COPZ1: variants seen among roughly 807,000 people sequenced by gnomAD.
COPZ1 encodes coat protein complex I subunit zeta 1, also known as coatomer subunit zeta-1.
COPZ1 carries 4 observed loss-of-function variants against 31.7 expected under a neutral mutation model. That is an observed-to-expected ratio of 0.13 (90% CI 0.06 to 0.29). The LOEUF is 0.29. COPZ1 is among the 10% of genes least tolerant of loss of function. The pLI, the probability that COPZ1 is intolerant of heterozygous loss-of-function variation, is 1.00. For missense variants in COPZ1, 156 were observed against 211.5 expected (o/e 0.74, Z 1.63); for synonymous variants, 74 against 79.0 (o/e 0.94, Z 0.33).
chr12:54,331,717 C>G (rs940272359), intron 1 of COPZ1, among the ~76,000 whole-genome samples: 1 of 151,928 alleles, frequency 6.6e-6, no homozygotes, highest in Non-Finnish European at 1.5e-5. Flanking sequence ...GGAGCAAAAG[C>G]AGGGAGATGT....
chr12:54,346,750 G>A (rs1954071610), intron 5 of COPZ1: 7 of 672,988 alleles, frequency 1.0e-5, no homozygotes, highest in Non-Finnish European at 1.9e-5. Flanking sequence ...CAGCTACTTG[G>A]GAGGCTGAGG....
chr12:54,326,690 GGTAGTATA>G (rs1162616953), intron 1 of COPZ1, among the ~76,000 whole-genome samples: 11 of 146,118 alleles, frequency 7.5e-5, no homozygotes, highest in African/African-American at 2.8e-4. Context: ...TAGGTAGGTA[GGTAGTATA>G]GTGTAGGAAT....
rs778295806 is a variant in COPZ1 at position 54,350,883 on chromosome 12, T to C, written c.*360T>C. ...GATTAAAGTAGGAGAAAGAATGTGC[T>C]GAGTGTTTTCCTCCCTTTGCCTCTA... On this transcript the variant is annotated 3_prime_UTR_variant, in exon 9 of 9. Transcript: ENST00000262061. The C allele has an allele frequency of 7.1e-6, 2 of 281,368 alleles. No homozygotes were observed. The highest frequency in any genetic ancestry group is 1.4e-5 in the Non-Finnish European group (2 of 143,074). The allele number at this position is 281,368 out of a possible 1,614,324, so 17.4% of individuals were successfully genotyped here.
chr12:54,338,412 G>A (rs757311917), intron 1 of COPZ1, among the ~76,000 whole-genome samples: 1 of 152,066 alleles, frequency 6.6e-6, no homozygotes, highest in Non-Finnish European at 1.5e-5. Context: ...TTTAAGACTA[G>A]ACTCTAGAGG....
chr12:54,349,411 A>G (rs1954112392), intron 7 of COPZ1, among the ~76,000 whole-genome samples: 2 of 152,222 alleles, frequency 1.3e-5, no homozygotes, highest in African/African-American at 4.8e-5. Context: ...TTAAAATGGA[A>G]GCTGGATGAA....
At chr12:54,328,515 G>A (rs960629648) in intron 1 of COPZ1, among the ~76,000 whole-genome samples, 2 of 151,964 alleles carry the variant, frequency 1.3e-5, no homozygotes, top group African/African-American at 4.8e-5. Flanking sequence ...GCGGTGAGCC[G>A]AGATGCGCCA....
chr12:54,340,013 G>A (rs1953946298), intron 1 of COPZ1, among the ~76,000 whole-genome samples: 1 of 145,030 alleles, frequency 6.9e-6, no homozygotes, highest in Non-Finnish European at 1.5e-5. Flanking sequence ...GTGTGTGTGT[G>A]TGTGTGTAAA....
rs1213393163 is a variant in COPZ1, at chr12:54,351,692, C to T, written c.*1169C>T. On this transcript the variant is annotated 3_prime_UTR_variant, in exon 9 of 9. Transcript: ENST00000262061. ...ACCTTCCTGAGACTTAAGCATTCTG[C>T]CCCACTTACTAACTGCCAGTTCTCC... 1.3e-5 allele frequency: 2 copies of T among 152,234 alleles called. No homozygotes were observed. The highest frequency in any genetic ancestry group is 4.8e-5 in the African/African-American group (2 of 41,442). 9.4% of individuals were successfully genotyped at this position (152,234 alleles called of 1,614,324 possible).
Position 54,351,295 on chromosome 12 carries a change from G to A in COPZ1, c.*772G>A, listed in dbSNP as rs1231967919. 6.6e-6 allele frequency: 1 copy of A among 152,114 alleles called. No homozygotes were observed. The highest frequency in any genetic ancestry group is 1.5e-5 in the Non-Finnish European group (1 of 68,026). 9.4% of individuals were successfully genotyped at this position (152,114 alleles called of 1,614,324 possible). On this transcript the variant is annotated 3_prime_UTR_variant, in exon 9 of 9. Coordinates refer to ENST00000262061, the MANE Select transcript of COPZ1 (RefSeq NM_016057.3). ...CCTGGTTTGTCTTCTCTGTGTCCTG[G>A]AGCAAAGCCAGTTCCTAAAACTAAA...
chr12:54,347,932 C>T (rs1350264446), intron 6 of COPZ1, 68 bp from the exon 7 acceptor site: 2 of 1,604,710 alleles, frequency 1.2e-6, no homozygotes, highest in African/African-American at 1.3e-5. Context: ...GGCCAGAGGT[C>T]CTGTTCCCCG....
intron 5 of COPZ1, 31 bp downstream of exon 5, chr12:54,345,546 A>C: frequency 6.4e-7 from 1 of 1,553,280 alleles, no homozygotes; most frequent in Non-Finnish European, 8.9e-7. Context: ...TTTCCCCTCA[A>C]GTTATGATGG....
intron 1 of COPZ1, among the ~76,000 whole-genome samples, chr12:54,338,311 G>A (rs1490623881): frequency 1.3e-5 from 2 of 152,168 alleles, no homozygotes; most frequent in Non-Finnish European, 2.9e-5. Context: ...TGGAATTGAG[G>A]ACCCAAGTTG....
At chr12:54,331,612 A>C (rs139102033) in intron 1 of COPZ1, among the ~76,000 whole-genome samples, 1 of 152,132 alleles carries the variant, frequency 6.6e-6, no homozygotes, top group African/African-American at 2.4e-5. Flanking sequence ...GAATAGAGCA[A>C]TTCTGCCTCG....
At chr12:54,337,019 CAAAAAAAAAAAAAAA>C (rs1182592654) in intron 1 of COPZ1, among the ~76,000 whole-genome samples, 1 of 61,646 alleles carries the variant, frequency 1.6e-5, no homozygotes, top group African/African-American at 8.0e-5. Flanking sequence ...GAGACTGTCG[CAAAAAAAAAAAAAAA>C]AAAAAAAAAA....
chr12:54,345,956 CA>C (rs776353254), intron 5 of COPZ1, among the ~76,000 whole-genome samples: 344 of 96,694 alleles, frequency 3.6e-3, no homozygotes, highest in Middle Eastern at 6.0e-3. Context: ...GACTCTGTCT[CA>C]AAAAAAAAAA....
chr12:54,339,726 G>T (rs1953938163), intron 1 of COPZ1, among the ~76,000 whole-genome samples: 1 of 152,074 alleles, frequency 6.6e-6, no homozygotes, highest in South Asian at 2.1e-4. Flanking sequence ...CATTAAGACT[G>T]AGGCCGTGAT....
chr12:54,325,475 C>T, intron 1 of COPZ1: 2 of 337,000 alleles, frequency 5.9e-6, no homozygotes, highest in East Asian at 9.9e-5. Context: ...CAGGTTGCCC[C>T]TTATTTTTAG....
chr12:54,325,632 C>G lies in COPZ1; in HGVS notation c.18+451C>G, dbSNP rs146600014. Reference sequence around the variant, plus strand: ...TCCATTGCCGATTCCCTGCCACATTCCTTCAGGAAACTGTTTTGTCTTCGG... The same window carrying G: ...TCCATTGCCGATTCCCTGCCACATTGCTTCAGGAAACTGTTTTGTCTTCGG... On this transcript the variant is annotated intron_variant, in intron 1 of 8. Coordinates refer to ENST00000262061, the MANE Select transcript of COPZ1 (RefSeq NM_016057.3). The G allele has an allele frequency of 2.4e-3, 388 of 162,176 alleles. 1 individual carries two copies. The highest frequency in any genetic ancestry group is 8.8e-3 in the African/African-American group (365 of 41,664). 10.0% of individuals were successfully genotyped at this position (162,176 alleles called of 1,614,324 possible).
At position 54,350,208 on chromosome 12, in the gene COPZ1, TG is replaced by T. The variant is rs1018807740; in HGVS notation, c.487-267del. On this transcript the variant is annotated intron_variant, in intron 8 of 8. Coordinates refer to ENST00000262061, the MANE Select transcript of COPZ1 (RefSeq NM_016057.3). ...CCTGCCCGCCGCCCCTTTTAACATA[TG>T]TCCAGTAACTCCCTTTTTTTTTTTC... 1.3e-5 allele frequency: 9 copies of T among 698,582 alleles called. No homozygotes were observed. The African/African-American group carries it at 1.4e-4, about 11-fold the overall frequency. 43.3% of individuals were successfully genotyped at this position (698,582 alleles called of 1,614,324 possible).
Sources: gnomAD v4.1 joint callset for allele counts (sites outside exome capture counted in the v4.1 genomes callset) on GRCh38, gnomAD v4.1.1 for gene constraint, MANE v1.5 for transcripts, NCBI Gene and HGNC (gene_info 2026-07-23, HGNC 2026-07-21) for gene names.